Variants in NIPBL observed in about 807,000 individuals in gnomAD.
The protein encoded by NIPBL is NIPBL cohesin loading factor.
A neutral mutation model predicts 321.8 loss-of-function variants in NIPBL; 19 were observed. The observed-to-expected ratio is 0.06, with a 90% CI of 0.04 to 0.09. The LOEUF (loss-of-function observed/expected upper bound fraction) is 0.09, where lower values mean the gene tolerates loss of function less well. Among genes scored for constraint, NIPBL ranks in the 10% least tolerant of loss-of-function variants. NIPBL has a pLI of 1.00. For missense variants in NIPBL, 2,210 were observed against 3,327.0 expected (o/e 0.66, Z 8.26); for synonymous variants, 1,106 against 1,114.1 (o/e 0.99, Z 0.14).
chr5:37,051,665 G>A, intron 40 of NIPBL, 114 bp from the exon 41 acceptor site: 3 of 710,090 alleles, frequency 4.2e-6, no homozygotes, highest in South Asian at 1.6e-5. Context: ...GACTTTATAG[G>A]AAGGCCTATA....
At chr5:37,028,426 C>T (rs186698935) in intron 32 of NIPBL, among the ~76,000 whole-genome samples, 130 of 148,748 alleles carry the variant, frequency 8.7e-4, no homozygotes, top group Non-Finnish European at 1.4e-3. Flanking sequence ...CTGCAACCTC[C>T]GCCTCCTGGG....
intron 7 of NIPBL, among the ~76,000 whole-genome samples, chr5:36,971,473 T>C (rs1192666986): frequency 6.6e-6 from 1 of 152,096 alleles, no homozygotes; most frequent in Non-Finnish European, 1.5e-5. Flanking sequence ...TACTTGACTC[T>C]TTTTCCCTCT....
chr5:36,987,880 A>G (rs2149649653), intron 10 of NIPBL, among the ~76,000 whole-genome samples: 1 of 152,318 alleles, frequency 6.6e-6, no homozygotes, highest in East Asian at 1.9e-4. Flanking sequence ...GGTTAACACC[A>G]CAATTGTTTT....
Position 37,017,140 on chromosome 5 carries a change from C to T in NIPBL, c.4898C>T (p.Ser1633Phe). Residue 1633 changes from serine (S) to phenylalanine (F), a missense_variant, in exon 24 of 47, where the codon TCT (serine) becomes TTT (phenylalanine). Transcript: ENST00000282516. Reference sequence around the variant, plus strand: ...GTTACAAGCAAAATGGATCAAGGATCTATAGAACGCATTTTAAAACAGGTA... The same window carrying T: ...GTTACAAGCAAAATGGATCAAGGATTTATAGAACGCATTTTAAAACAGGTA... ...DAVTSKMDQG[S>F]IERILKQVSG... 1.2e-6 allele frequency: 2 copies of T among 1,611,308 alleles called. No individual in the cohort carries two copies. The highest frequency in any genetic ancestry group is 1.7e-6 in the Non-Finnish European group (2 of 1,177,920).
At chr5:37,022,566 C>T (rs1055270049) in intron 29 of NIPBL, among the ~76,000 whole-genome samples, 176 bp downstream of exon 29, 1 of 152,282 alleles carries the variant, frequency 6.6e-6, no homozygotes, top group Admixed American at 6.5e-5. Context: ...ATAGCCCTTG[C>T]AATATCATAA....
chr5:36,941,889 A>G (rs1739100813), intron 1 of NIPBL, among the ~76,000 whole-genome samples: 1 of 152,162 alleles, frequency 6.6e-6, no homozygotes, highest in African/African-American at 2.4e-5. Context: ...TGATTAGTTC[A>G]TTGACCATGA....
Position 37,057,313 on chromosome 5 carries a change from T to G in NIPBL, c.7391T>G (p.Leu2464Arg). 6.2e-7 allele frequency: 1 copy of G among 1,613,800 alleles called. No homozygotes were observed. Among genetic ancestry groups the G allele is most frequent in the Non-Finnish European group, 8.5e-7 (1 of 1,179,754 alleles). The change falls in exon 43 of 47, where the codon CTA becomes CGA. Residue 2464 changes from leucine to arginine, a missense_variant. Around this residue, in one of 14 missense-constraint regions of NIPBL, gnomAD observed 79 missense variants for 90.8 expected, o/e 0.87. Coordinates refer to ENST00000282516, the MANE Select transcript of NIPBL (RefSeq NM_133433.4). ...ACACTCTCAGTTTCTGGTAGTAACC[T>G]ACTGCAGTCATTCAAGGAGGTAAGT... Reference protein sequence around the residue: ...DITLSVSGSNLLQSFKESMVK... With the variant: ...DITLSVSGSNRLQSFKESMVK...
chr5:37,007,218 A>G, intron 17 of NIPBL, 105 bp from the exon 18 acceptor site: 1 of 912,158 alleles, frequency 1.1e-6, no homozygotes, highest in Non-Finnish European at 1.7e-6. Flanking sequence ...CAGGTTCTGT[A>G]GCTAGAAAAT....
At chr5:36,904,153 G>C (rs1267761624) in intron 1 of NIPBL, among the ~76,000 whole-genome samples, 1 of 152,162 alleles carries the variant, frequency 6.6e-6, no homozygotes, top group Non-Finnish European at 1.5e-5. Flanking sequence ...TTAGTGTACT[G>C]TAGATAAAGT....
chr5:36,928,305 A>G (rs565224227), intron 1 of NIPBL, among the ~76,000 whole-genome samples: 57 of 152,334 alleles, frequency 3.7e-4, no homozygotes, highest in Middle Eastern at 3.4e-3. Context: ...GCTTAAAAAC[A>G]TGATTGCTTT....
At chr5:37,046,979 A>G (rs577004416) in intron 38 of NIPBL, among the ~76,000 whole-genome samples, 74 of 151,968 alleles carry the variant, frequency 4.9e-4, no homozygotes, top group South Asian at 2.7e-3. Context: ...AAATACTGAG[A>G]AAAAAAAATT....
At position 37,005,783 on chromosome 5, in the gene NIPBL, A is replaced by C. The variant is rs114497283; in HGVS notation, c.3856-574A>C. Among the ~76,000 whole-genome samples, 1,242 of 152,284 alleles carry C rather than the reference A, an allele frequency of 8.2e-3. 12 individuals carry two copies. The highest frequency in any genetic ancestry group is 0.028 in the African/African-American group (1,180 of 41,558). ...TTGCAATGTCAAGTTGCTGATGTGT[A>C]AATTAAAATAAAGTCTTCTGTCAGT... On this transcript the variant is annotated intron_variant, in intron 16 of 46. Coordinates refer to ENST00000282516, the MANE Select transcript of NIPBL (RefSeq NM_133433.4).
At chr5:37,039,304 ATATAT>A (rs1579535458) in intron 34 of NIPBL, among the ~76,000 whole-genome samples, 2 of 150,288 alleles carry the variant, frequency 1.3e-5, no homozygotes, top group East Asian at 3.9e-4. Context: ...TATTTTATAA[ATATAT>A]TTTATTTTTA....
At chr5:36,959,583 G>A (rs1421892634) in intron 4 of NIPBL, among the ~76,000 whole-genome samples, 1 of 152,180 alleles carries the variant, frequency 6.6e-6, no homozygotes, top group Non-Finnish European at 1.5e-5. Context: ...GAAAGAAAAT[G>A]TGGAAAGAGA....
rs2149750081 is a variant in NIPBL at position 37,057,203 on chromosome 5, G to A, written c.7281G>A (p.Met2427Ile). The change falls in exon 43 of 47, where the codon ATG (methionine) becomes ATA (isoleucine). Residue 2427 changes from methionine (M) to isoleucine (I), a missense_variant. Physicochemically the swap from Met to Ile is conservative, Grantham distance 10. Coordinates refer to ENST00000282516, the MANE Select transcript of NIPBL (RefSeq NM_133433.4). ...FDDTAKTDVT[M>I]LLYIADNLAC... ...ATTTACAGAAAACAGACGTGACTAT[G>A]CTCTTGTATATAGCAGACAATCTAG... 1 of 1,613,660 alleles carries A rather than the reference G, an allele frequency of 6.2e-7. No homozygotes were observed. The highest frequency in any genetic ancestry group is 1.1e-5 in the South Asian group (1 of 91,068).
chr5:37,006,071 C>T (rs941022907), intron 16 of NIPBL, among the ~76,000 whole-genome samples: 2 of 152,022 alleles, frequency 1.3e-5, no homozygotes, highest in African/African-American at 4.8e-5. Flanking sequence ...TAAGCTAAAT[C>T]TTAAATTCGG....
At chr5:37,023,923 T>C (rs1212725777) in intron 29 of NIPBL, among the ~76,000 whole-genome samples, 1 of 152,030 alleles carries the variant, frequency 6.6e-6, no homozygotes, top group East Asian at 1.9e-4. Context: ...TGCAGCACTT[T>C]GGGAGGCTGA....
chr5:37,012,533 A>G (rs1748276495), intron 21 of NIPBL, among the ~76,000 whole-genome samples: 1 of 150,028 alleles, frequency 6.7e-6, no homozygotes, highest in Admixed American at 6.7e-5. Context: ...GTCACAGGAC[A>G]ATAGTGGAGG....
In NIPBL at chr5:36,877,102, C is replaced by T. The variant is rs911655497; in HGVS notation, c.-156C>T. ...GACGGAAGAGGAGCCGTAGCCACCC[C>T]CCCTCCCGGCCCGGATTATAGTCTC... On this transcript the variant is annotated 5_prime_UTR_variant, in exon 1 of 47. Transcript: ENST00000282516. The T allele has an allele frequency of 2.8e-6, 1 of 352,576 alleles. No homozygotes were observed. The highest frequency in any genetic ancestry group is 5.1e-6 in the Non-Finnish European group (1 of 197,634). 21.8% of individuals were successfully genotyped at this position (352,576 alleles called of 1,614,324 possible).
Sources: gnomAD v4.1 joint callset for allele counts (sites outside exome capture counted in the v4.1 genomes callset) on GRCh38, gnomAD v4.1.1 for gene constraint, gnomAD v4.1.1 regional missense constraint, MANE v1.5 for transcripts, NCBI Gene and HGNC (gene_info 2026-07-23, HGNC 2026-07-21) for gene names.